ITGAE: variants seen among roughly 807,000 people sequenced by gnomAD.
ITGAE encodes integrin alpha-E.
A neutral mutation model predicts 136.5 loss-of-function variants in ITGAE; 99 were observed. The observed-to-expected ratio is 0.73, with a 90% CI of 0.62 to 0.86. The LOEUF (loss-of-function observed/expected upper bound fraction) is 0.86. ITGAE is among the 40% of genes least tolerant of loss of function. The pLI is 0.00. For missense variants in ITGAE, 1,447 were observed against 1,515.3 expected, an observed-to-expected ratio of 0.95 and a Z score of 0.75; for synonymous variants, 613 against 591.8, an observed-to-expected ratio of 1.04 and a Z score of -0.52.
At position 3,728,295 on chromosome 17, in the gene ITGAE, C is replaced by T. The variant is rs936817468; in HGVS notation, c.2913-127G>A. On this transcript the variant is annotated intron_variant, in intron 24 of 30. Transcript: ENST00000263087. ...CATGGCTCAGTGTAGCCTCAACCTCCCAGGCTCAAGTGATCCTCCACCTCA... is the reference window on the plus strand; with the variant it reads ...CATGGCTCAGTGTAGCCTCAACCTCTCAGGCTCAAGTGATCCTCCACCTCA... 18 of 761,104 alleles carry T rather than the reference C, an allele frequency of 2.4e-5. No individual in the cohort carries two copies. The African/African-American group carries it at 2.9e-4, about 12-fold the overall frequency. 47.1% of individuals were successfully genotyped at this position (761,104 alleles called of 1,614,324 possible). A position where few individuals can be genotyped will look rare whatever the true frequency, so the allele number is the denominator to read the frequency against.
At chr17:3,769,704 G>T (rs571694698) in intron 2 of ITGAE, among the ~76,000 whole-genome samples, 3 of 152,210 alleles carry the variant, frequency 2.0e-5, no homozygotes. Flanking sequence ...TGCTTTTTGA[G>T]ATGGAGTCTC....
chr17:3,797,029 C>G (rs1395417100), intron 1 of ITGAE, among the ~76,000 whole-genome samples: 1 of 151,934 alleles, frequency 6.6e-6, no homozygotes, highest in African/African-American at 2.4e-5. Flanking sequence ...GCCTCATCAA[C>G]TCCACCCCAA....
At chr17:3,732,587 G>A in intron 21 of ITGAE, 121 bp from the exon 22 acceptor site, 2 of 776,984 alleles carry the variant, frequency 2.6e-6, no homozygotes, top group Middle Eastern at 2.4e-4. Context: ...CACCCTGCCA[G>A]GAGCTAAAGA....
Position 3,745,903 on chromosome 17 carries a change from A to T in ITGAE, c.2180T>A (p.Phe727Tyr). The T allele has an allele frequency of 6.2e-7, 1 of 1,613,896 alleles. No homozygotes were observed. Among genetic ancestry groups the T allele is most frequent in the Non-Finnish European group, 8.5e-7 (1 of 1,179,986 alleles). ...ESGLREALLN[F>Y]TLDVDVGKQR... is the part of the protein sequence containing the mutation. The stretch of plus-strand genomic sequence containing the variant: ...CTTCCCCACATCCACATCCAGCGTG[A>T]AGTTGAGAAGTGCCTCGCGGAGGCC... Residue 727 changes from phenylalanine (F) to tyrosine (Y), a missense_variant, in exon 18 of 31, where the codon TTC becomes TAC. Physicochemically the swap from Phe to Tyr is conservative, Grantham distance 22 (BLOSUM62 3). Transcript: ENST00000263087.
chr17:3,747,692 A>G (rs1263670522), intron 17 of ITGAE, among the ~76,000 whole-genome samples: 1 of 152,064 alleles, frequency 6.6e-6, no homozygotes, highest in African/African-American at 2.4e-5. Flanking sequence ...TGTCAGCTCT[A>G]AACCCCTTCT....
chr17:3,769,582 A>G (rs1479122973), intron 2 of ITGAE, among the ~76,000 whole-genome samples: 1 of 152,238 alleles, frequency 6.6e-6, no homozygotes, highest in Non-Finnish European at 1.5e-5. Flanking sequence ...AGGACTGGCC[A>G]TCAGCTCGCA....
intron 20 of ITGAE, among the ~76,000 whole-genome samples, chr17:3,738,362 G>A (rs3786023): frequency 0.39 from 59,187 of 151,834 alleles, 12,013 homozygotes; most frequent in Non-Finnish European, 0.46. Context: ...GTAGAGACGG[G>A]GTTTTACCAT....
chr17:3,751,945 CA>C, intron 14 of ITGAE, 71 bp from the exon 15 acceptor site: 1 of 1,322,746 alleles, frequency 7.6e-7, no homozygotes, highest in Non-Finnish European at 1.1e-6. Context: ...CACCCCGATG[CA>C]CGCTCACTGG....
chr17:3,777,430 C>A, intron 2 of ITGAE, 110 bp downstream of exon 2: 1 of 1,369,878 alleles, frequency 7.3e-7, no homozygotes, highest in Non-Finnish European at 9.9e-7. Context: ...AAAGGAGTTC[C>A]TCTCCTGACG....
intron 1 of ITGAE, among the ~76,000 whole-genome samples, chr17:3,783,225 C>T (rs1001613881): frequency 7.9e-5 from 12 of 152,332 alleles, no homozygotes; most frequent in African/African-American, 2.6e-4. Context: ...ACCGCAACCT[C>T]TGGCTCTTGG....
At chr17:3,746,146 G>A (rs1002472747) in intron 17 of ITGAE, among the ~76,000 whole-genome samples, 8 of 152,152 alleles carry the variant, frequency 5.3e-5, no homozygotes, top group African/African-American at 1.4e-4. Flanking sequence ...CCCCAAACCC[G>A]GAGCAGCACA....
At position 3,759,553 on chromosome 17, in the gene ITGAE, A is replaced by G. The variant is rs1597341490; in HGVS notation, c.715T>C (p.Cys239Arg). Residue 239 changes from cysteine to arginine, a missense_variant and splice_region_variant, in exon 8 of 31, where the codon TGC becomes CGC. By Grantham distance (180) the Cys-to-Arg change is radical. Around this residue, in one of 3 missense-constraint regions of ITGAE, gnomAD observed 310 missense variants for 416.1 expected, o/e 0.74. Coordinates refer to ENST00000263087, the MANE Select transcript of ITGAE (RefSeq NM_002208.5). ...CCATACTGCACCAAGGCAAAGTTGC[A>G]CTGCAGGGGATGGGCAGGAGGGCAG... ...MRNFYEKCFE[C>R]NFALVQYGGV... The G allele has an allele frequency of 1.2e-6, 2 of 1,607,048 alleles. No homozygotes were observed. The highest frequency in any genetic ancestry group is 1.7e-6 in the Non-Finnish European group (2 of 1,173,984).
intron 2 of ITGAE, among the ~76,000 whole-genome samples, chr17:3,777,264 A>G (rs2052566549): frequency 6.6e-6 from 1 of 152,134 alleles, no homozygotes. Context: ...CCCGGCCACT[A>G]AAATTGTCTT....
chr17:3,775,757 A>C (rs1231168635), intron 2 of ITGAE, among the ~76,000 whole-genome samples: 1 of 152,006 alleles, frequency 6.6e-6, no homozygotes, highest in Non-Finnish European at 1.5e-5. Flanking sequence ...GGTGTGAGCC[A>C]CTGCGCCCGG....
At chr17:3,800,113 T>C (rs2053215549) in intron 1 of ITGAE, among the ~76,000 whole-genome samples, 1 of 152,028 alleles carries the variant, frequency 6.6e-6, no homozygotes, top group African/African-American at 2.4e-5. Flanking sequence ...CAAGACTCTG[T>C]CTCAAAAAAT....
chr17:3,755,160 CGCT>C lies in ITGAE; in HGVS notation c.1338_1340del (p.Ala451del). The C allele has an allele frequency of 6.5e-7, 1 of 1,544,652 alleles. No homozygotes were observed. Among genetic ancestry groups the C allele is most frequent in the Non-Finnish European group, 8.8e-7 (1 of 1,141,972 alleles). ...CAGCCTCCGCGTCTGCCGCCGCCGC[CGCT>C]GTCTGGTTCAGGAAGCGGCCCCGGC... On this transcript the variant is annotated inframe_deletion, in exon 12 of 31. Coordinates refer to ENST00000263087, the MANE Select transcript of ITGAE (RefSeq NM_002208.5).
chr17:3,744,851 T>C (rs566327701), intron 18 of ITGAE, among the ~76,000 whole-genome samples: 18 of 152,314 alleles, frequency 1.2e-4, no homozygotes, highest in African/African-American at 3.6e-4. Context: ...TTTGTTTAAA[T>C]AAGCCTTTCT....
At position 3,778,665 on chromosome 17, in the gene ITGAE, G is replaced by C. The variant is rs185495255; in HGVS notation, c.35-1005C>G. Among the ~76,000 whole-genome samples the C allele has an allele frequency of 1.4e-3, 210 of 152,136 alleles. 1 individual carries two copies. The highest frequency in any genetic ancestry group is 0.01 in the Middle Eastern group (3 of 294). On this transcript the variant is annotated intron_variant, in intron 1 of 30. Transcript: ENST00000263087. Reference sequence around the variant, plus strand: ...ATTTTTTTTATTTACAGCAGAATAGGCTCATGAATTCTATTTTATTCAATG... The same window carrying C: ...ATTTTTTTTATTTACAGCAGAATAGCCTCATGAATTCTATTTTATTCAATG...
At chr17:3,734,777 G>A in intron 21 of ITGAE, 40 bp downstream of exon 21, 1 of 1,612,132 alleles carries the variant, frequency 6.2e-7, no homozygotes. Context: ...GCGAGGGAGG[G>A]GCGTGAGGGA....
Sources: gnomAD v4.1 joint callset for allele counts (sites outside exome capture counted in the v4.1 genomes callset) on GRCh38, gnomAD v4.1.1 for gene constraint, gnomAD v4.1.1 regional missense constraint, MANE v1.5 for transcripts, NCBI Gene and HGNC (gene_info 2026-07-23, HGNC 2026-07-21) for gene names.